CDK2AP1: variants seen among roughly 807,000 people sequenced by gnomAD.
CDK2AP1 encodes the protein cyclin dependent kinase 2 associated protein 1, also known as cyclin-dependent kinase 2-associated protein 1.
Under a neutral mutation model 14.1 loss-of-function variants are expected in CDK2AP1, and 10 were observed. The ratio of observed to expected loss-of-function variants is 0.71; its 90% CI spans 0.44 to 1.20. The LOEUF (loss-of-function observed/expected upper bound fraction) is 1.20, where lower values mean the gene tolerates loss of function less well. Ranked by LOEUF, CDK2AP1 falls within the 50% of genes most tolerant of loss-of-function variation. The probability of loss-of-function intolerance (pLI) is 0.00; values close to 1 mark genes in which losing one functional copy is unlikely to be tolerated. For synonymous variants in CDK2AP1, 59 were observed against 59.8 expected (o/e 0.99, Z 0.06); for missense variants, 102 against 149.9 (o/e 0.68, Z 1.67).
intron 1 of CDK2AP1, chr12:123,270,857 C>G (rs374172940): frequency 3.0e-6 from 3 of 985,262 alleles, no homozygotes; most frequent in Non-Finnish European, 3.6e-6. Flanking sequence ...AGCCCCAGAG[C>G]TGCGCCAACT....
In CDK2AP1 at chr12:123,265,123, T is replaced by C; in HGVS notation, c.280+73A>G. On this transcript the variant is annotated intron_variant, in intron 3 of 3. Transcript: ENST00000261692. The surrounding 1 kb of genome is among the most constrained non-coding windows in gnomAD (Gnocchi z 5.3). ...TCATCCCTAGCCCACCTTCCCACATTTTCCCCAAAAGTCTTTCCAGAGTTA... is the reference window on the plus strand; with the variant it reads ...TCATCCCTAGCCCACCTTCCCACATCTTCCCCAAAAGTCTTTCCAGAGTTA... The C allele has an allele frequency of 1.3e-6, 2 of 1,594,652 alleles. No individual in the cohort carries two copies. Among genetic ancestry groups the C allele is most frequent in the Middle Eastern group, 1.7e-4 (1 of 6,010 alleles).
At chr12:123,267,345 C>A in intron 1 of CDK2AP1, 63 bp from the exon 2 acceptor site, 1 of 999,870 alleles carries the variant, frequency 1.0e-6, no homozygotes, top group South Asian at 1.3e-5. Context: ...GCAAGGACTC[C>A]GGGTCCTGCA....
Position 123,265,300 on chromosome 12 carries a change from G to T in CDK2AP1, c.176C>A (p.Pro59His). Residue 59 changes from proline to histidine, a missense_variant, in exon 3 of 4, where the codon CCC becomes CAC. Around this residue, in one of 2 missense-constraint regions of CDK2AP1, gnomAD observed 52 missense variants for 107.2 expected, o/e 0.48. Transcript: ENST00000261692. The surrounding 1 kb of genome is among the most constrained non-coding windows in gnomAD (Gnocchi z 5.3). ...CAGCAGCTCCGCGTATTTGCTTTGGGGCACCTGGCTGTTCCCAGTTCCCTA... is the reference window on the plus strand; with the variant it reads ...CAGCAGCTCCGCGTATTTGCTTTGGTGCACCTGGCTGTTCCCAGTTCCCTA... ...YTQGTGNSQVPQSKYAELLAI... is the reference protein window; with the variant it reads ...YTQGTGNSQVHQSKYAELLAI... 1 of 1,614,112 alleles carries T rather than the reference G, an allele frequency of 6.2e-7. No homozygotes were observed. The highest frequency in any genetic ancestry group is 2.2e-5 in the East Asian group (1 of 44,864).
intron 2 of CDK2AP1, among the ~76,000 whole-genome samples, chr12:123,266,193 T>G (rs2048289999): frequency 6.6e-6 from 1 of 152,156 alleles, no homozygotes; most frequent in Admixed American, 6.5e-5. Context: ...GGCCTCGCGC[T>G]CTGTCCTGTC....
At chr12:123,271,137 C>T (rs1206934380) in intron 1 of CDK2AP1, 2 of 562,990 alleles carry the variant, frequency 3.6e-6, no homozygotes, top group Non-Finnish European at 4.5e-6. Flanking sequence ...TGCTTCACGA[C>T]CCCGCTCCCC....
intron 1 of CDK2AP1, among the ~76,000 whole-genome samples, chr12:123,268,897 C>A (rs2048326507): frequency 1.3e-5 from 2 of 152,198 alleles, no homozygotes; most frequent in South Asian, 4.1e-4. Context: ...ACAGGCTCTG[C>A]CGGCACAGAC....
At position 123,266,281 on chromosome 12, in the gene CDK2AP1, G is replaced by A. The variant is rs571556913; in HGVS notation, c.153+904C>T. On this transcript the variant is annotated intron_variant, in intron 2 of 3. Coordinates refer to ENST00000261692, the MANE Select transcript of CDK2AP1 (RefSeq NM_004642.4). ...CGGGCCTCCCGCCTGTCCTGGCGCC[G>A]CCGTCGCATGGCCAGAACGTGGCAC... 7.2e-5 allele frequency among the ~76,000 whole-genome samples: 11 copies of A among 152,330 alleles called. No homozygotes were observed. In the East Asian group the frequency reaches 1.7e-3, roughly 24 times the overall value.
At chr12:123,271,268 C>G (rs2048351624) in intron 1 of CDK2AP1, 1 of 151,468 alleles carries the variant, frequency 6.6e-6, no homozygotes, top group African/African-American at 2.4e-5. Flanking sequence ...GAACAAGCCT[C>G]CCCCGCCCTC....
chr12:123,267,406 C>T (rs2048308749), intron 1 of CDK2AP1, 124 bp from the exon 2 acceptor site: 4 of 676,444 alleles, frequency 5.9e-6, no homozygotes, highest in Non-Finnish European at 8.2e-6. Flanking sequence ...ATGGAGAACC[C>T]TGCTCTCCAC....
chr12:123,271,027 C>T, intron 1 of CDK2AP1: 1 of 883,010 alleles, frequency 1.1e-6, no homozygotes, highest in Non-Finnish European at 1.3e-6. Flanking sequence ...CTCAGGGCCC[C>T]CGGCAGCCCG....
intron 3 of CDK2AP1, among the ~76,000 whole-genome samples, chr12:123,262,623 TG>T (rs2048244983): frequency 6.6e-6 from 1 of 152,208 alleles, no homozygotes; most frequent in Non-Finnish European, 1.5e-5. Flanking sequence ...TCACCCAGGC[TG>T]GAGTGCAGTG....
In CDK2AP1 at chr12:123,267,229, G is replaced by A; in HGVS notation, c.109C>T (p.Gln37Ter). 1.2e-6 allele frequency: 2 copies of A among 1,613,368 alleles called. No individual in the cohort carries two copies. The highest frequency in any genetic ancestry group is 1.7e-6 in the Non-Finnish European group (2 of 1,179,428). ...TSMATSSQYR[Q>*]LLSDYGPPSL... is the part of the protein sequence containing the mutation. ...GGTGGCCCGTAGTCACTGAGCAGCT[G>A]GCGGTACTGTGAAGACGTTGCCATG... Residue 37 changes from glutamine to a stop codon, truncating the protein, a stop_gained, in exon 2 of 4, where the codon CAG becomes TAG. Coordinates refer to ENST00000261692, the MANE Select transcript of CDK2AP1 (RefSeq NM_004642.4). LOFTEE classifies it high-confidence loss of function.
chr12:123,271,149 G>A (rs1377527577), intron 1 of CDK2AP1: 13 of 430,586 alleles, frequency 3.0e-5, no homozygotes, highest in Admixed American at 6.6e-5. Flanking sequence ...CCGCTCCCCA[G>A]GGCGGCGGGG....
rs1469508196 is a variant in CDK2AP1 at position 123,265,633 on chromosome 12, T to C, written c.154-311A>G. Among the ~76,000 whole-genome samples, 3 of 152,098 alleles carry C rather than the reference T, an allele frequency of 2.0e-5. No homozygotes were observed. Among genetic ancestry groups the C allele is most frequent in the Non-Finnish European group, 2.9e-5 (2 of 68,010 alleles). ...AGACTTCTGGGGCAGCCACCTCAGCTGGGCCAAGGCACGTCCCATTCTAGG... is the reference window on the plus strand; with the variant it reads ...AGACTTCTGGGGCAGCCACCTCAGCCGGGCCAAGGCACGTCCCATTCTAGG... On this transcript the variant is annotated intron_variant, in intron 2 of 3. Coordinates refer to ENST00000261692, the MANE Select transcript of CDK2AP1 (RefSeq NM_004642.4). The surrounding 1 kb of genome is among the most constrained non-coding windows in gnomAD (Gnocchi z 5.3).
chr12:123,270,705 G>C (rs1352367168), intron 1 of CDK2AP1, among the ~76,000 whole-genome samples: 2 of 152,084 alleles, frequency 1.3e-5, no homozygotes, highest in African/African-American at 2.4e-5. Flanking sequence ...GGGAGCGCCC[G>C]GCTGCGGCCG....
intron 1 of CDK2AP1, chr12:123,270,764 G>T: frequency 1.1e-6 from 1 of 899,466 alleles, no homozygotes; most frequent in Non-Finnish European, 1.3e-6. Flanking sequence ...TGCATCGAGG[G>T]CCTTCCAGGG....
intron 1 of CDK2AP1, among the ~76,000 whole-genome samples, chr12:123,269,954 G>A (rs1415602294): frequency 6.6e-6 from 1 of 152,160 alleles, no homozygotes; most frequent in Non-Finnish European, 1.5e-5. Flanking sequence ...TTCTCCACAG[G>A]ACAAAGAAGA....
intron 1 of CDK2AP1, 46 bp downstream of exon 1, chr12:123,271,518 C>T (rs2048353482): frequency 1.0e-6 from 1 of 986,102 alleles, no homozygotes; most frequent in Non-Finnish European, 1.2e-6. Context: ...GCGCGCGGAC[C>T]CCCAACTTGG....
chr12:123,261,725 C>G lies in CDK2AP1; in HGVS notation c.*11G>C, dbSNP rs1268267024. On this transcript the variant is annotated 3_prime_UTR_variant, in exon 4 of 4. Transcript: ENST00000261692. The stretch of plus-strand genomic sequence containing the variant: ...TAAAAAGATGGAAATCCTTCAAAAC[C>G]AACAAGGCAGCTAGGATCTGGCATT... The G allele has an allele frequency of 1.9e-6, 3 of 1,610,852 alleles. No homozygotes were observed. The highest frequency in any genetic ancestry group is 2.5e-6 in the Non-Finnish European group (3 of 1,177,052).
Sources: gnomAD v4.1 joint callset for allele counts (sites outside exome capture counted in the v4.1 genomes callset) on GRCh38, gnomAD v4.1.1 for gene constraint, gnomAD v4.1.1 regional missense constraint, Gnocchi (gnomAD v3.1) non-coding constraint, MANE v1.5 for transcripts, NCBI Gene and HGNC (gene_info 2026-07-23, HGNC 2026-07-21) for gene names.